RBFOX1: variants seen among roughly 807,000 people sequenced by gnomAD.
The protein encoded by RBFOX1 is RNA binding fox-1 homolog 1, also known as RNA binding protein fox-1 homolog 1.
In RBFOX1, 8 loss-of-function variants were observed where a neutral mutation model predicts 57.7. The observed-to-expected ratio is 0.14, with a 90% CI of 0.08 to 0.25. RBFOX1 has a LOEUF of 0.25. RBFOX1 is among the 10% of genes least tolerant of loss of function. The pLI is 1.00. For missense variants in RBFOX1, 611 were observed against 548.5 expected (o/e 1.11, Z -1.14); for synonymous variants, 326 against 222.4 (o/e 1.47, Z -4.15).
At chr16:5,747,337 G>C (rs577069378) in intron 3 of RBFOX1, among the ~76,000 whole-genome samples, 8 of 152,252 alleles carry the variant, frequency 5.3e-5, no homozygotes, top group African/African-American at 1.9e-4. Context: ...ATATTGGTCT[G>C]AAATTCTCTG....
chr16:6,214,948 G>A (rs1364423657), intron 1 of RBFOX1, among the ~76,000 whole-genome samples: 4 of 134,518 alleles, frequency 3.0e-5, no homozygotes, highest in Admixed American at 7.4e-5. Flanking sequence ...CAGGGAGAGA[G>A]GGAGAGAGGG....
intron 4 of RBFOX1, among the ~76,000 whole-genome samples, chr16:7,460,391 G>GTATATATATA (rs1567285291): frequency 1.4e-5 from 1 of 69,404 alleles, no homozygotes; most frequent in Admixed American, 1.8e-4. Context: ...ATATATATAT[G>GTATATATATA]TGTGTGTGTG....
At chr16:7,686,518 G>GC (rs2076098198) in intron 14 of RBFOX1, among the ~76,000 whole-genome samples, 2 of 151,966 alleles carry the variant, frequency 1.3e-5, no homozygotes, top group South Asian at 4.1e-4. Flanking sequence ...CCAATTGCCT[G>GC]CCCTCTTCTT....
intron 3 of RBFOX1, among the ~76,000 whole-genome samples, chr16:5,816,018 G>C (rs1336835089): frequency 1.3e-5 from 2 of 152,202 alleles, no homozygotes; most frequent in African/African-American, 2.4e-5. Context: ...TGGGTTGAGA[G>C]GGGCCCAGTA....
intron 2 of RBFOX1, among the ~76,000 whole-genome samples, chr16:6,600,358 TGCTAAGCAG>T (rs2097837873): frequency 6.6e-6 from 1 of 152,176 alleles, no homozygotes; most frequent in East Asian, 1.9e-4. Flanking sequence ...GAGGCTGCTC[TGCTAAGCAG>T]TCTGTCACAT....
At chr16:6,021,657 C>T (rs796365195) in intron 1 of RBFOX1, among the ~76,000 whole-genome samples, 72 of 152,234 alleles carry the variant, frequency 4.7e-4, no homozygotes, top group African/African-American at 1.7e-3. Flanking sequence ...CATCATTCCT[C>T]GCGGTAGTGG....
rs78000998 is a variant in RBFOX1, at chr16:7,025,894, C to A, written c.-15-26163C>A. ...GGATGAGCTGCTTAATAGTACAGGC[C>A]TGGACTTCAGGGATGCCTAGACCCC... On this transcript the variant is annotated intron_variant, in intron 3 of 15. Coordinates refer to ENST00000550418, the MANE Select transcript of RBFOX1 (RefSeq NM_018723.4). Among the ~76,000 whole-genome samples the A allele has an allele frequency of 5.3e-5, 8 of 152,214 alleles. No individual in the cohort carries two copies. In the East Asian group the frequency reaches 1.6e-3, roughly 30 times the overall value.
At chr16:5,397,822 T>C (rs1388254711) in intron 1 of RBFOX1, among the ~76,000 whole-genome samples, 2 of 152,194 alleles carry the variant, frequency 1.3e-5, no homozygotes, top group Admixed American at 6.5e-5. Context: ...GTTGGGGTGA[T>C]AATGACATGG....
intron 4 of RBFOX1, among the ~76,000 whole-genome samples, chr16:5,988,905 G>A (rs369275174): frequency 5.9e-5 from 9 of 152,064 alleles, no homozygotes; most frequent in South Asian, 4.1e-4. Flanking sequence ...AGAGAATATC[G>A]CTCTGGCTTT....
chr16:7,153,719 C>G (rs926053040), intron 4 of RBFOX1, among the ~76,000 whole-genome samples: 2 of 77,192 alleles, frequency 2.6e-5, no homozygotes, highest in African/African-American at 1.0e-4. Context: ...GACAGTGAGA[C>G]AGTGTCTCAA....
At chr16:5,617,485 G>A (rs1402895839) in intron 3 of RBFOX1, among the ~76,000 whole-genome samples, 6 of 152,178 alleles carry the variant, frequency 3.9e-5, no homozygotes, top group African/African-American at 1.4e-4. Flanking sequence ...CCAATCATCA[G>A]GCTTGTTCCC....
intron 4 of RBFOX1, among the ~76,000 whole-genome samples, chr16:7,166,954 G>T (rs1484301499): frequency 1.5e-5 from 2 of 131,204 alleles, no homozygotes; most frequent in African/African-American, 6.0e-5. Flanking sequence ...GAAAGCCCCA[G>T]ATTGCTGCAT....
chr16:7,462,153 C>T (rs2059695528), intron 4 of RBFOX1, among the ~76,000 whole-genome samples: 1 of 152,174 alleles, frequency 6.6e-6, no homozygotes, highest in African/African-American at 2.4e-5. Context: ...GGGCTCCTGC[C>T]CAGCCTTCGG....
chr16:5,458,101 A>G (rs910412211), intron 1 of RBFOX1, among the ~76,000 whole-genome samples: 5 of 152,214 alleles, frequency 3.3e-5, no homozygotes, highest in African/African-American at 1.2e-4. Context: ...TAATCTCTTT[A>G]CTATTTCTAT....
chr16:6,847,990 C>A (rs544712711), intron 3 of RBFOX1, among the ~76,000 whole-genome samples: 1 of 151,910 alleles, frequency 6.6e-6, no homozygotes, highest in African/African-American at 2.4e-5. Context: ...CCACCATGCC[C>A]GGCTAATTTT....
chr16:7,117,576 C>G (rs555949787), intron 4 of RBFOX1, among the ~76,000 whole-genome samples: 6 of 152,276 alleles, frequency 3.9e-5, no homozygotes, highest in African/African-American at 1.4e-4. Flanking sequence ...AGTACCTCAT[C>G]TGAAAAATGG....
intron 4 of RBFOX1, among the ~76,000 whole-genome samples, chr16:7,473,086 A>G (rs984542510): frequency 6.6e-6 from 1 of 152,156 alleles, no homozygotes; most frequent in African/African-American, 2.4e-5. Context: ...CATTAGATTA[A>G]AAGGATCTCC....
intron 3 of RBFOX1, among the ~76,000 whole-genome samples, chr16:5,756,208 C>G (rs1018597319): frequency 8.8e-6 from 1 of 113,482 alleles, no homozygotes; most frequent in Non-Finnish European, 1.7e-5. Context: ...CCCCTTCTTA[C>G]ATCTTCCACA....
In RBFOX1 at chr16:6,835,792, T is replaced by C. The variant is rs187953524; in HGVS notation, c.-16+181142T>C. Among the ~76,000 whole-genome samples the C allele has an allele frequency of 6.1e-5, 9 of 148,006 alleles. No homozygotes were observed. The East Asian group carries it at 1.6e-3, about 26-fold the overall frequency. ...AAAAAAAAAAAAAAAGTTTGTATCA[T>C]GTGTAGCTCTAAATCGGTGTCCTGA... On this transcript the variant is annotated intron_variant, in intron 3 of 15. Transcript: ENST00000550418.
Sources: allele counts gnomAD v4.1 joint callset (sites outside exome capture counted in the v4.1 genomes callset), GRCh38; gene constraint gnomAD v4.1.1; transcripts MANE v1.5; gene names NCBI Gene and HGNC (gene_info 2026-07-23, HGNC 2026-07-21).